Variants in FRMD5 observed in about 807,000 individuals in gnomAD.
The protein encoded by FRMD5 is FERM domain containing 5.
Under a neutral mutation model 69.0 loss-of-function variants are expected in FRMD5, and 20 were observed. The ratio of observed to expected loss-of-function variants is 0.29; its 90% CI spans 0.20 to 0.42. The LOEUF (loss-of-function observed/expected upper bound fraction) is 0.42. Among genes scored for constraint, FRMD5 ranks in the 10% least tolerant of loss-of-function variants. The probability of loss-of-function intolerance (pLI) is 1.00; values close to 1 mark genes in which losing one functional copy is unlikely to be tolerated. For synonymous variants in FRMD5, 271 were observed against 260.1 expected, an observed-to-expected ratio of 1.04 and a Z score of -0.40; for missense variants, 595 against 708.6, an observed-to-expected ratio of 0.84 and a Z score of 1.82.
chr15:43,902,117 G>C (rs2089059747), intron 7 of FRMD5, 58 bp downstream of exon 7: 1 of 1,285,970 alleles, frequency 7.8e-7, no homozygotes, highest in African/African-American at 1.5e-5. Context: ...GGGGGCTCTT[G>C]CTCCTGATGC....
At chr15:44,193,404 C>G (rs2078228201) in intron 1 of FRMD5, among the ~76,000 whole-genome samples, 1 of 151,982 alleles carries the variant, frequency 6.6e-6, no homozygotes, top group African/African-American at 2.4e-5. Flanking sequence ...GATATCAACT[C>G]AATGTATTCT....
At chr15:44,028,035 A>C (rs1010181822) in intron 1 of FRMD5, among the ~76,000 whole-genome samples, 25 of 152,320 alleles carry the variant, frequency 1.6e-4, no homozygotes, top group African/African-American at 6.0e-4. Flanking sequence ...ATTTAAGCCT[A>C]ACATCAATGG....
At chr15:44,162,610 G>C (rs1033191280) in intron 1 of FRMD5, among the ~76,000 whole-genome samples, 3 of 152,020 alleles carry the variant, frequency 2.0e-5, no homozygotes, top group Non-Finnish European at 4.4e-5. Flanking sequence ...ACTCACGCCT[G>C]TGATCCCAGC....
rs1311301954 is a variant in FRMD5, at chr15:43,902,210, A to G, written c.604T>C (p.Leu202=). The part of the protein sequence containing the change: ...ELNFLRKAQT[L]ETYGVDPHPC... ...TGAGGATCCACTCCATATGTTTCCAATGTCTGTGCTTTTCTTAAGAAGTTC... is the reference window on the plus strand; with the variant it reads ...TGAGGATCCACTCCATATGTTTCCAGTGTCTGTGCTTTTCTTAAGAAGTTC... The change falls in exon 7 of 14, where the codon TTG becomes CTG. Residue 202 remains leucine (L), a synonymous_variant. Coordinates refer to ENST00000417257, the MANE Select transcript of FRMD5 (RefSeq NM_032892.5). 1.9e-6 allele frequency: 3 copies of G among 1,613,966 alleles called. No homozygotes were observed. The highest frequency in any genetic ancestry group is 2.7e-5 in the African/African-American group (2 of 74,906).
chr15:44,142,427 TCA>T (rs2077287690), intron 1 of FRMD5, among the ~76,000 whole-genome samples: 1 of 152,162 alleles, frequency 6.6e-6, no homozygotes, highest in South Asian at 2.1e-4. Context: ...ACATCTTCTC[TCA>T]GATGCTCACA....
intron 1 of FRMD5, among the ~76,000 whole-genome samples, chr15:43,939,923 C>G (rs970285758): frequency 1.3e-5 from 2 of 152,132 alleles, no homozygotes; most frequent in African/African-American, 2.4e-5. Flanking sequence ...GGCTCATGTG[C>G]TCCCAGCGCT....
intron 4 of FRMD5, among the ~76,000 whole-genome samples, chr15:43,912,398 G>A (rs943150369): frequency 6.6e-6 from 1 of 152,110 alleles, no homozygotes. Context: ...ATGCCACACG[G>A]TGTGTGGGAG....
intron 10 of FRMD5, among the ~76,000 whole-genome samples, chr15:43,886,433 C>T (rs1368707711): frequency 6.6e-6 from 1 of 152,124 alleles, no homozygotes; most frequent in Non-Finnish European, 1.5e-5. Context: ...TTTTATATCT[C>T]GTTTGAAGCT....
intron 1 of FRMD5, among the ~76,000 whole-genome samples, chr15:43,995,206 A>C (rs1889863923): frequency 6.6e-6 from 1 of 152,224 alleles, no homozygotes; most frequent in African/African-American, 2.4e-5. Flanking sequence ...AGTAGTACCT[A>C]ATACAAAGTA....
At position 43,873,892 on chromosome 15, in the gene FRMD5, T is replaced by A; in HGVS notation, c.1706A>T (p.Asp569Val). The change falls in exon 14 of 14, where the codon GAC (aspartate) becomes GTC (valine). Residue 569 changes from aspartate (D) to valine (V), a missense_variant. By Grantham distance (152) the Asp-to-Val change is radical (BLOSUM62 -3). Coordinates refer to ENST00000417257, the MANE Select transcript of FRMD5 (RefSeq NM_032892.5). Reference sequence around the variant, plus strand: ...GGGAGGAGTCATGCCTTCTCAGGTGTCAATGAGCAGGCTCACCACTGAGCG... The same window carrying A: ...GGGAGGAGTCATGCCTTCTCAGGTGACAATGAGCAGGCTCACCACTGAGCG... ...KIRSVVSLLI[D>V]T is the part of the protein sequence containing the mutation. The A allele has an allele frequency of 2.5e-6, 4 of 1,613,748 alleles. No homozygotes were observed. The highest frequency in any genetic ancestry group is 3.4e-6 in the Non-Finnish European group (4 of 1,179,788).
At chr15:44,076,016 GTTT>G (rs902156220) in intron 1 of FRMD5, among the ~76,000 whole-genome samples, 1 of 151,982 alleles carries the variant, frequency 6.6e-6, no homozygotes. Context: ...GGGGTTGTTT[GTTT>G]TTTTCTTGTA....
chr15:44,047,355 G>GA (rs1892473634), intron 1 of FRMD5, among the ~76,000 whole-genome samples: 1 of 151,966 alleles, frequency 6.6e-6, no homozygotes, highest in South Asian at 2.1e-4. Context: ...GAGGGAAAAA[G>GA]AAAAAACTGT....
At chr15:43,911,731 T>C (rs1006224924) in intron 4 of FRMD5, among the ~76,000 whole-genome samples, 1 of 152,240 alleles carries the variant, frequency 6.6e-6, no homozygotes, top group African/African-American at 2.4e-5. Flanking sequence ...TCGAACAGTC[T>C]GAACCAAAAA....
intron 1 of FRMD5, among the ~76,000 whole-genome samples, chr15:44,112,574 C>T (rs2076813057): frequency 6.6e-6 from 1 of 151,762 alleles, no homozygotes; most frequent in African/African-American, 2.4e-5. Context: ...TCATGCCATT[C>T]TCCTGCCTCA....
chr15:44,050,249 G>A (rs540390790), intron 1 of FRMD5, among the ~76,000 whole-genome samples: 8 of 152,254 alleles, frequency 5.3e-5, no homozygotes, highest in African/African-American at 1.9e-4. Flanking sequence ...AAAGAGAGTG[G>A]TTACATCTTT....
chr15:43,879,777 A>G, intron 13 of FRMD5: 1 of 397,868 alleles, frequency 2.5e-6, no homozygotes, highest in Non-Finnish European at 4.4e-6. Flanking sequence ...AAAGCCAACT[A>G]GGAACAAAGG....
chr15:44,039,655 A>C (rs934872983), intron 1 of FRMD5, among the ~76,000 whole-genome samples: 2 of 152,222 alleles, frequency 1.3e-5, no homozygotes, highest in Non-Finnish European at 2.9e-5. Flanking sequence ...GGCCACTCAG[A>C]GACCCCATCT....
chr15:43,907,415 G>A (rs1389655410), intron 5 of FRMD5, among the ~76,000 whole-genome samples: 3 of 152,122 alleles, frequency 2.0e-5, no homozygotes, highest in Non-Finnish European at 4.4e-5. Flanking sequence ...TGTCATGCAC[G>A]CTGGAGTGCA....
intron 1 of FRMD5, among the ~76,000 whole-genome samples, chr15:44,019,406 G>A (rs1196558158): frequency 2.0e-5 from 3 of 151,252 alleles, no homozygotes; most frequent in African/African-American, 7.3e-5. Flanking sequence ...TAATCAGAAA[G>A]GCTAGTCAAA....
Sources: gnomAD v4.1 joint callset for allele counts (sites outside exome capture counted in the v4.1 genomes callset) on GRCh38, gnomAD v4.1.1 for gene constraint, MANE v1.5 for transcripts, NCBI Gene and HGNC (gene_info 2026-07-23, HGNC 2026-07-21) for gene names.